Variants in SRBD1 observed in about 807,000 individuals in gnomAD.
The protein encoded by SRBD1 is S1 RNA binding domain 1, also known as S1 RNA-binding domain-containing protein 1.
A neutral mutation model predicts 115.3 loss-of-function variants in SRBD1; 88 were observed. The observed-to-expected ratio is 0.76, with a 90% CI of 0.64 to 0.91. The LOEUF (loss-of-function observed/expected upper bound fraction) is 0.91. Ranked by LOEUF, SRBD1 falls within the 40% of genes least tolerant of loss-of-function variation. The pLI, the probability that SRBD1 is intolerant of heterozygous loss-of-function variation, is 0.00. For synonymous variants in SRBD1, 509 were observed against 407.7 expected, an observed-to-expected ratio of 1.25 and a Z score of -2.99; for missense variants, 1,385 against 1,177.4, an observed-to-expected ratio of 1.18 and a Z score of -2.58.
At chr2:45,416,212 A>C (rs1419210925) in intron 18 of SRBD1, among the ~76,000 whole-genome samples, 1 of 152,208 alleles carries the variant, frequency 6.6e-6, no homozygotes, top group Non-Finnish European at 1.5e-5. Flanking sequence ...CACAAAATCT[A>C]GCTATGTGTT....
At chr2:45,608,513 TCTTA>T (rs1674343506) in intron 1 of SRBD1, among the ~76,000 whole-genome samples, 3 of 152,176 alleles carry the variant, frequency 2.0e-5, no homozygotes, top group Non-Finnish European at 4.4e-5. Context: ...TCCCATATCC[TCTTA>T]CTTTGTGTCA....
At chr2:45,514,410 C>A (rs1425236581) in intron 14 of SRBD1, among the ~76,000 whole-genome samples, 1 of 151,420 alleles carries the variant, frequency 6.6e-6, no homozygotes, top group Non-Finnish European at 1.5e-5. Context: ...TGAGTATGAA[C>A]CTCAAAAAAA....
chr2:45,447,333 G>C (rs1391830405), intron 16 of SRBD1: 1 of 152,466 alleles, frequency 6.6e-6, no homozygotes, highest in African/African-American at 2.4e-5. Context: ...TGTAGTCCCA[G>C]CTACTTGGGA....
chr2:45,579,030 T>C (rs540761829), intron 7 of SRBD1, among the ~76,000 whole-genome samples: 1 of 152,168 alleles, frequency 6.6e-6, no homozygotes, highest in African/African-American at 2.4e-5. Flanking sequence ...TTTTTGAGAG[T>C]AGAGACCACC....
chr2:45,585,108 C>T (rs1358079775), intron 5 of SRBD1, among the ~76,000 whole-genome samples: 2 of 151,828 alleles, frequency 1.3e-5, no homozygotes, highest in African/African-American at 4.8e-5. Context: ...TGAGATTGCA[C>T]CACTGCACTT....
At chr2:45,513,253 T>C (rs1671023991) in intron 14 of SRBD1, among the ~76,000 whole-genome samples, 1 of 152,136 alleles carries the variant, frequency 6.6e-6, no homozygotes, top group African/African-American at 2.4e-5. Context: ...GAAACTGTGT[T>C]AGCCCAAACG....
At chr2:45,409,880 A>AT (rs1407869421) in intron 19 of SRBD1, among the ~76,000 whole-genome samples, 1 of 152,194 alleles carries the variant, frequency 6.6e-6, no homozygotes, top group Non-Finnish European at 1.5e-5. Context: ...TGCTGACATA[A>AT]TAAGTTCATG....
At chr2:45,464,860 A>C (rs965819199) in intron 16 of SRBD1, among the ~76,000 whole-genome samples, 2 of 152,218 alleles carry the variant, frequency 1.3e-5, no homozygotes, top group African/African-American at 4.8e-5. Flanking sequence ...TGCCAAATAC[A>C]ACCTAATAAA....
intron 9 of SRBD1, 83 bp downstream of exon 9, chr2:45,573,124 T>C (rs905437313): frequency 7.2e-7 from 1 of 1,381,192 alleles, no homozygotes; most frequent in African/African-American, 1.5e-5. Flanking sequence ...TAAAATTATT[T>C]AAATTCTTAG....
intron 16 of SRBD1, 50 bp downstream of exon 16, chr2:45,476,943 G>A (rs1201828739): frequency 6.5e-7 from 1 of 1,533,544 alleles, no homozygotes; most frequent in Admixed American, 1.7e-5. Context: ...TTTGAGTACT[G>A]CTCCTTGTAT....
At chr2:45,442,725 GAC>G (rs1258083035) in intron 16 of SRBD1, among the ~76,000 whole-genome samples, 7 of 152,270 alleles carry the variant, frequency 4.6e-5, no homozygotes, top group African/African-American at 1.7e-4. Flanking sequence ...GCTTAGAACT[GAC>G]AGTTTATTTT....
chr2:45,527,612 A>C (rs1671487980), intron 14 of SRBD1, among the ~76,000 whole-genome samples: 1 of 151,800 alleles, frequency 6.6e-6, no homozygotes, highest in African/African-American at 2.4e-5. Context: ...TACTGATTGT[A>C]TACTATGTGC....
chr2:45,563,666 C>A (rs1419630205), intron 9 of SRBD1, among the ~76,000 whole-genome samples: 1 of 151,906 alleles, frequency 6.6e-6, no homozygotes, highest in East Asian at 1.9e-4. Flanking sequence ...ATAAGAGATA[C>A]CATGAGCAAC....
rs56909656 is a variant in SRBD1, at chr2:45,545,283, TAAAAAA to T, written c.1874+1443_1874+1448del. On this transcript the variant is annotated intron_variant, in intron 14 of 20. Coordinates refer to ENST00000263736, the MANE Select transcript of SRBD1 (RefSeq NM_018079.5). ...TGACAGAGCGAGACTCTGTCTCAAT[TAAAAAA>T]AAAAAAAAAAAAAAAAAAAAAAAAA... Among the ~76,000 whole-genome samples the T allele has an allele frequency of 3.1e-4, 21 of 68,576 alleles. No individual in the cohort carries two copies. The East Asian group carries it at 5.2e-3, about 17-fold the overall frequency. The allele number at this position is 68,576 out of a possible 152,430, so 45.0% of individuals were successfully genotyped here.
rs1245725368 is a variant in SRBD1 at position 45,414,508 on chromosome 2, TACAC to T, written c.2334-1219_2334-1216del. Among the ~76,000 whole-genome samples, 11 of 150,944 alleles carry T rather than the reference TACAC, an allele frequency of 7.3e-5. 1 individual carries two copies. The Middle Eastern group carries it at 0.01, about 143-fold the overall frequency. ...GTACAGTGTGTATATAGTGTGTGTGTACACACATAGTGTGTATATAGTGTGTGTA... is the reference window on the plus strand; with the variant it reads ...GTACAGTGTGTATATAGTGTGTGTGTACATAGTGTGTATATAGTGTGTGTA... On this transcript the variant is annotated intron_variant, in intron 18 of 20. Transcript: ENST00000263736.
chr2:45,392,055 C>A (rs560780018), intron 20 of SRBD1, among the ~76,000 whole-genome samples: 62 of 152,218 alleles, frequency 4.1e-4, no homozygotes, highest in Middle Eastern at 3.4e-3. Context: ...TGGAGGACTA[C>A]TAGGAGGCTT....
chr2:45,426,705 A>C (rs1368126249), intron 16 of SRBD1, among the ~76,000 whole-genome samples: 1 of 152,198 alleles, frequency 6.6e-6, no homozygotes. Flanking sequence ...ATACCCAGGC[A>C]AACAGGGTCT....
chr2:45,456,443 C>T (rs1669154749), intron 16 of SRBD1, among the ~76,000 whole-genome samples: 1 of 151,852 alleles, frequency 6.6e-6, no homozygotes, highest in Non-Finnish European at 1.5e-5. Context: ...TTCCATGCTA[C>T]TGCTGTTAGA....
chr2:45,468,190 T>C (rs2103794356), intron 16 of SRBD1, among the ~76,000 whole-genome samples: 1 of 152,234 alleles, frequency 6.6e-6, no homozygotes, highest in South Asian at 2.1e-4. Flanking sequence ...TATAATACTG[T>C]ACATATTCTG....
Sources: gnomAD v4.1 joint callset for allele counts (sites outside exome capture counted in the v4.1 genomes callset) on GRCh38, gnomAD v4.1.1 for gene constraint, MANE v1.5 for transcripts, NCBI Gene and HGNC (gene_info 2026-07-23, HGNC 2026-07-21) for gene names.